PIK3C2G: variants seen among roughly 807,000 people sequenced by gnomAD.
The protein encoded by PIK3C2G is phosphatidylinositol 3-kinase C2 domain-containing subunit gamma.
A neutral mutation model predicts 181.1 loss-of-function variants in PIK3C2G; 168 were observed. The observed-to-expected ratio is 0.93, with a 90% CI of 0.82 to 1.05. The LOEUF (loss-of-function observed/expected upper bound fraction) is 1.05. Among genes scored for constraint, PIK3C2G ranks in the 50% least tolerant of loss-of-function variants. The probability of loss-of-function intolerance (pLI) is 0.00; values close to 1 mark genes in which losing one functional copy is unlikely to be tolerated. For synonymous variants in PIK3C2G, 573 were observed against 592.2 expected (o/e 0.97, Z 0.47); for missense variants, 1,869 against 1,732.8 (o/e 1.08, Z -1.40).
At chr12:18,507,133 G>A (rs147855030) in intron 24 of PIK3C2G, among the ~76,000 whole-genome samples, 11 of 151,942 alleles carry the variant, frequency 7.2e-5, no homozygotes, top group African/African-American at 2.7e-4. Flanking sequence ...GGGTTCAAGC[G>A]ATTCTCCTGC....
chr12:18,472,454 C>T (rs1358713386), intron 18 of PIK3C2G, among the ~76,000 whole-genome samples: 1 of 152,070 alleles, frequency 6.6e-6, no homozygotes, highest in East Asian at 1.9e-4. Flanking sequence ...TTTACTGTCT[C>T]CCTCTCCCTA....
intron 24 of PIK3C2G, among the ~76,000 whole-genome samples, chr12:18,524,253 G>T (rs1943095423): frequency 6.6e-6 from 1 of 152,200 alleles, no homozygotes; most frequent in Admixed American, 6.5e-5. Flanking sequence ...ATCTGTGGAT[G>T]ATGCTGTGCT....
upstream of PIK3C2G, among the ~76,000 whole-genome samples, chr12:18,256,770 C>T (rs1948149861): frequency 6.6e-6 from 1 of 152,146 alleles, no homozygotes; most frequent in East Asian, 1.9e-4. Flanking sequence ...CCTGCAATAT[C>T]TGTGTTCTCT....
chr12:18,685,874 A>AC, the PIK3C2G span, among the ~76,000 whole-genome samples: 2 of 143,310 alleles, frequency 1.4e-5, no homozygotes, highest in African/African-American at 5.0e-5. Flanking sequence ...ACACACATAC[A>AC]ATAATATGGA....
At chr12:18,388,428 C>A (rs891036483) in intron 14 of PIK3C2G, among the ~76,000 whole-genome samples, 10 of 152,166 alleles carry the variant, frequency 6.6e-5, no homozygotes, top group Non-Finnish European at 1.2e-4. Context: ...GTGCATGCCA[C>A]CATGCCCAGC....
intron 16 of PIK3C2G, among the ~76,000 whole-genome samples, chr12:18,404,157 C>A (rs897095412): frequency 6.6e-6 from 1 of 151,994 alleles, no homozygotes; most frequent in Non-Finnish European, 1.5e-5. Context: ...TTTTTTTTCT[C>A]CAAACCATTG....
chr12:18,248,973 C>T (rs1308766801), intron 1 of PIK3C2G, among the ~76,000 whole-genome samples: 1 of 152,098 alleles, frequency 6.6e-6, no homozygotes, highest in Non-Finnish European at 1.5e-5. Flanking sequence ...TATTAGGACT[C>T]TAGCGCATAT....
chr12:18,549,923 T>G (rs1419455069), intron 26 of PIK3C2G, among the ~76,000 whole-genome samples: 3 of 151,202 alleles, frequency 2.0e-5, no homozygotes, highest in African/African-American at 4.9e-5. Flanking sequence ...GCCATGAGCC[T>G]CTCTCTACTT....
the PIK3C2G span, among the ~76,000 whole-genome samples, chr12:18,667,038 C>T: frequency 6.6e-6 from 1 of 152,034 alleles, no homozygotes; most frequent in Non-Finnish European, 1.5e-5. Context: ...GGCTATATCA[C>T]CAGACAGAGT....
chr12:18,635,482 G>A (rs1021622148), intron 31 of PIK3C2G, among the ~76,000 whole-genome samples: 5 of 152,156 alleles, frequency 3.3e-5, no homozygotes, highest in Non-Finnish European at 5.9e-5. Context: ...GGCACACGGC[G>A]ACATGGTGGC....
chr12:18,381,578 G>C (rs1216483976), intron 13 of PIK3C2G, among the ~76,000 whole-genome samples, 188 bp from the exon 14 acceptor site: 1 of 152,184 alleles, frequency 6.6e-6, no homozygotes, highest in Non-Finnish European at 1.5e-5. Context: ...CCAAGCATGT[G>C]GTATATTAGA....
In PIK3C2G at chr12:18,444,506, C is replaced by T. The variant is rs116820819; in HGVS notation, c.2504+20467C>T. Among the ~76,000 whole-genome samples, 1,159 of 152,164 alleles carry T rather than the reference C, an allele frequency of 7.6e-3. 14 individuals carry two copies. Among genetic ancestry groups the T allele is most frequent in the African/African-American group, 0.027 (1,103 of 41,502 alleles). On this transcript the variant is annotated intron_variant, in intron 18 of 32. Coordinates refer to ENST00000538779, the MANE Select transcript of PIK3C2G (RefSeq NM_001288772.2). ...AACTTAATGGTGGTTTTGACCTTTCCTTGCTGAATAATCTTAAATTCCCTG... is the reference window on the plus strand; with the variant it reads ...AACTTAATGGTGGTTTTGACCTTTCTTTGCTGAATAATCTTAAATTCCCTG...
chr12:18,283,620 T>A (rs928530521), intron 2 of PIK3C2G, among the ~76,000 whole-genome samples: 14 of 152,118 alleles, frequency 9.2e-5, no homozygotes, highest in East Asian at 7.7e-4. Flanking sequence ...AAACAAATAA[T>A]GGCAACATAG....
At chr12:18,684,677 C>T in the PIK3C2G span, among the ~76,000 whole-genome samples, 2 of 152,006 alleles carry the variant, frequency 1.3e-5, no homozygotes, top group African/African-American at 4.8e-5. Context: ...GACTGATGTA[C>T]TTAGGCAATT....
intron 25 of PIK3C2G, among the ~76,000 whole-genome samples, chr12:18,540,519 A>G (rs970333414): frequency 6.6e-6 from 1 of 151,890 alleles, no homozygotes; most frequent in African/African-American, 2.4e-5. Context: ...ACATACCTTA[A>G]CAAAGCATTC....
At chr12:18,356,797 C>T (rs1487041768) in intron 11 of PIK3C2G, among the ~76,000 whole-genome samples, 1 of 149,388 alleles carries the variant, frequency 6.7e-6, no homozygotes, top group Non-Finnish European at 1.5e-5. Flanking sequence ...TCTTGCTGAC[C>T]TCAAGCTGCT....
chr12:18,361,244 T>A (rs192126172), intron 11 of PIK3C2G, among the ~76,000 whole-genome samples: 1,640 of 152,288 alleles, frequency 0.011, 18 homozygotes, highest in African/African-American at 0.037. Context: ...TTTAGCTCCA[T>A]AATTTCTATT....
At chr12:18,534,569 T>G (rs1943739061) in intron 24 of PIK3C2G, among the ~76,000 whole-genome samples, 1 of 152,080 alleles carries the variant, frequency 6.6e-6, no homozygotes, top group African/African-American at 2.4e-5. Flanking sequence ...CTATGTTTAT[T>G]TATTGTTGCA....
intron 14 of PIK3C2G, among the ~76,000 whole-genome samples, chr12:18,382,312 G>GA (rs573103035): frequency 4.0e-5 from 6 of 151,832 alleles, no homozygotes; most frequent in Admixed American, 6.6e-5. Context: ...CTGAGTAGTA[G>GA]AAAAAAAACT....
Sources: gnomAD v4.1 joint callset for allele counts (sites outside exome capture counted in the v4.1 genomes callset) on GRCh38, gnomAD v4.1.1 for gene constraint, MANE v1.5 for transcripts, NCBI Gene and HGNC (gene_info 2026-07-23, HGNC 2026-07-21) for gene names.